Variants in ACYP2 observed in about 807,000 individuals in gnomAD.
The protein encoded by ACYP2 is acylphosphatase-2.
Under a neutral mutation model 11.2 loss-of-function variants are expected in ACYP2, and 12 were observed. The observed-to-expected ratio is 1.08, with a 90% CI of 0.69 to 1.74. The LOEUF (loss-of-function observed/expected upper bound fraction) is 1.74, where lower values mean the gene tolerates loss of function less well. Among genes scored for constraint, ACYP2 ranks in the 40% most tolerant of loss-of-function variants. The probability of loss-of-function intolerance (pLI) is 0.00; values close to 1 mark genes in which losing one functional copy is unlikely to be tolerated. For missense variants in ACYP2, 134 were observed against 101.9 expected, an observed-to-expected ratio of 1.31 and a Z score of -1.35; for synonymous variants, 43 against 32.2, an observed-to-expected ratio of 1.33 and a Z score of -1.13.
At chr2:54,197,400 C>A (rs1385274) in intron 6 of ACYP2, among the ~76,000 whole-genome samples, 2 of 152,040 alleles carry the variant, frequency 1.3e-5, no homozygotes, top group Non-Finnish European at 2.9e-5. Flanking sequence ...GGCATGAACC[C>A]CCTTTCCCTT....
chr2:54,290,034 T>C lies in ACYP2; in HGVS notation c.405-14654T>C, dbSNP rs1689232305. ...AGCGGTTCTTGTGTCGTTAGCCGCC[T>C]TTCCATCCCACCTTGGCGCTATTCT... On this transcript the variant is annotated intron_variant, in intron 6 of 6. Transcript: ENST00000607452. Among the ~76,000 whole-genome samples, 2 of 152,102 alleles carry C rather than the reference T, an allele frequency of 1.3e-5. 1 individual carries two copies. The highest frequency in any genetic ancestry group is 4.8e-5 in the African/African-American group (2 of 41,318).
intron 6 of ACYP2, among the ~76,000 whole-genome samples, chr2:54,233,395 C>T (rs1686331004): frequency 6.6e-6 from 1 of 150,664 alleles, no homozygotes; most frequent in Admixed American, 6.6e-5. Flanking sequence ...TCCCTGGGCT[C>T]ATGTGATTCT....
chr2:54,256,377 T>C, intron 6 of ACYP2: 1 of 546,872 alleles, frequency 1.8e-6, no homozygotes, highest in South Asian at 2.6e-5. Context: ...GGATGAGTAA[T>C]GATATTACAT....
chr2:53,989,980 T>G lies in ACYP2; in HGVS notation c.62+16170T>G, dbSNP rs553464783. Reference sequence around the variant, plus strand: ...TTACATAAACCCTTTTCTTTTCTTTTCTTTTTTTTTTTTTTTTGAGATGGA... The same window carrying G: ...TTACATAAACCCTTTTCTTTTCTTTGCTTTTTTTTTTTTTTTTGAGATGGA... On this transcript the variant is annotated intron_variant, in intron 2 of 6. Transcript: ENST00000607452. Among the ~76,000 whole-genome samples, 12 of 113,986 alleles carry G rather than the reference T, an allele frequency of 1.1e-4. No homozygotes were observed. In the East Asian group the frequency reaches 2.8e-3, roughly 26 times the overall value. 74.8% of individuals were successfully genotyped at this position (113,986 alleles called of 152,430 possible). A position where few individuals can be genotyped will look rare whatever the true frequency, so the allele number is the denominator to read the frequency against.
At chr2:54,295,358 C>A (rs563826849) in intron 6 of ACYP2, among the ~76,000 whole-genome samples, 4 of 152,180 alleles carry the variant, frequency 2.6e-5, no homozygotes, top group Admixed American at 6.5e-5. Context: ...TCAGAAGGGA[C>A]TACCATGAGT....
At chr2:54,026,897 G>T (rs1674316792) in intron 2 of ACYP2, among the ~76,000 whole-genome samples, 1 of 146,956 alleles carries the variant, frequency 6.8e-6, no homozygotes, top group Non-Finnish European at 1.5e-5. Context: ...GGACTTTAGG[G>T]ACTTGGGGGG....
At chr2:54,233,190 A>G (rs781006413) in intron 6 of ACYP2, among the ~76,000 whole-genome samples, 3 of 152,178 alleles carry the variant, frequency 2.0e-5, no homozygotes, top group Non-Finnish European at 4.4e-5. Context: ...ATAATGGCAT[A>G]TAATAAACTG....
intron 6 of ACYP2, among the ~76,000 whole-genome samples, chr2:54,291,424 C>A (rs990039985): frequency 3.3e-5 from 5 of 152,206 alleles, no homozygotes. Flanking sequence ...TGAAGAATTT[C>A]ATGAAGCTCT....
At chr2:54,298,412 C>T (rs1689601840) in intron 6 of ACYP2, among the ~76,000 whole-genome samples, 1 of 152,180 alleles carries the variant, frequency 6.6e-6, no homozygotes, top group African/African-American at 2.4e-5. Context: ...CCTCTGCTCC[C>T]TCCTCAACCC....
At chr2:54,101,671 CAAAA>C (rs61395630) in intron 4 of ACYP2, among the ~76,000 whole-genome samples, 3 of 121,914 alleles carry the variant, frequency 2.5e-5, no homozygotes, top group Admixed American at 1.7e-4. Flanking sequence ...GAGACTGTCT[CAAAA>C]AAAAAAAAAA....
At chr2:54,175,830 T>C (rs928282129) in intron 6 of ACYP2, among the ~76,000 whole-genome samples, 3 of 152,194 alleles carry the variant, frequency 2.0e-5, no homozygotes. Context: ...TGAATGTTTG[T>C]ATCCCTCCAA....
intron 3 of ACYP2, chr2:54,051,608 A>G (rs932336199): frequency 1.3e-6 from 1 of 742,550 alleles, no homozygotes; most frequent in Non-Finnish European, 2.5e-6. Context: ...GTGGAATGAC[A>G]CTGCTGCAGG....
chr2:54,027,641 A>G (rs1168505535), intron 2 of ACYP2, among the ~76,000 whole-genome samples: 1 of 152,062 alleles, frequency 6.6e-6, no homozygotes, highest in Non-Finnish European at 1.5e-5. Flanking sequence ...AAACCTTGCA[A>G]TGGGTGAGGA....
intron 2 of ACYP2, among the ~76,000 whole-genome samples, chr2:53,991,044 C>T (rs1480595344): frequency 6.6e-6 from 1 of 152,192 alleles, no homozygotes; most frequent in Admixed American, 6.5e-5. Context: ...GATCCGCCCG[C>T]CTGGGACTCC....
At chr2:54,230,207 G>T (rs958956550) in intron 6 of ACYP2, among the ~76,000 whole-genome samples, 2 of 152,046 alleles carry the variant, frequency 1.3e-5, no homozygotes, top group African/African-American at 4.8e-5. Flanking sequence ...TTTCTTTCCA[G>T]ATACAGGAGT....
chr2:54,101,393 G>A (rs761281836), intron 4 of ACYP2, among the ~76,000 whole-genome samples: 5 of 151,888 alleles, frequency 3.3e-5, no homozygotes, highest in Admixed American at 6.6e-5. Context: ...GCCAGGGGCC[G>A]GGCGCGGTGG....
intron 2 of ACYP2, among the ~76,000 whole-genome samples, chr2:54,045,454 G>A (rs969587307): frequency 6.6e-6 from 1 of 152,298 alleles, no homozygotes; most frequent in African/African-American, 2.4e-5. Flanking sequence ...TAAGAGAGGA[G>A]CAGGCTAATT....
chr2:53,973,897 GTGTGTA>G lies in ACYP2; in HGVS notation c.62+89_62+94del, dbSNP rs1447660824. ...TGTGTGTGTGTGTGTGTGTGTGTGT[GTGTGTA>G]TATATTTTTTTTTTTTTTTTTTTTT... is the stretch of plus-strand genomic sequence containing the variant. On this transcript the variant is annotated intron_variant, in intron 2 of 6. Transcript: ENST00000607452. The G allele has an allele frequency of 3.1e-3, 254 of 80,914 alleles. 3 individuals are homozygous for G. The highest frequency in any genetic ancestry group is 5.0e-3 in the South Asian group (15 of 2,998). 5.0% of individuals were successfully genotyped at this position (80,914 alleles called of 1,614,324 possible). A position where few individuals can be genotyped will look rare whatever the true frequency, so the allele number is the denominator to read the frequency against.
chr2:54,201,684 C>CTTTCTTTCTTTCTTTCTT (rs1684835755), intron 6 of ACYP2, among the ~76,000 whole-genome samples: 2 of 39,442 alleles, frequency 5.1e-5, no homozygotes, highest in Admixed American at 3.7e-4. Context: ...CTTTCTTTCT[C>CTTTCTTTCTTTCTTTCTT]TCTCTCTCTC....
Sources: gnomAD v4.1 joint callset for allele counts (sites outside exome capture counted in the v4.1 genomes callset) on GRCh38, gnomAD v4.1.1 for gene constraint, MANE v1.5 for transcripts, NCBI Gene and HGNC (gene_info 2026-07-23, HGNC 2026-07-21) for gene names.